Variants in LAMA1 observed in about 807,000 individuals in gnomAD.
The protein encoded by LAMA1 is laminin subunit alpha 1.
In LAMA1, 219 loss-of-function variants were observed where a neutral mutation model predicts 348.7. The ratio of observed to expected loss-of-function variants is 0.63; its 90% confidence interval spans 0.56 to 0.70. The LOEUF (loss-of-function observed/expected upper bound fraction) is 0.70, where lower values mean the gene tolerates loss of function less well. LAMA1 is among the 30% of genes least tolerant of loss of function. The pLI is 0.00. For missense variants in LAMA1, 3,744 were observed against 3,888.0 expected (o/e 0.96, Z 0.99); for synonymous variants, 1,487 against 1,491.0 (o/e 1.00, Z 0.06).
In LAMA1 at chr18:7,013,884, C is replaced by T. The variant is rs149157836; in HGVS notation, c.3294G>A (p.Ser1098=). 4,848 of 1,612,698 alleles carry T rather than the reference C, an allele frequency of 3.0e-3. 10 individuals carry two copies. Among genetic ancestry groups the T allele is most frequent in the Non-Finnish European group, 3.6e-3 (4,203 of 1,179,282 alleles). The change falls in exon 23 of 63, where the codon TCG becomes TCA. Residue 1098 remains serine (S), a synonymous_variant. Coordinates refer to ENST00000389658, the MANE Select transcript of LAMA1 (RefSeq NM_005559.4). The part of the protein sequence containing the change: ...VPCDCDLRGT[S]GDACNLEQGL... The stretch of plus-strand genomic sequence containing the variant: ...CCTGCTCCAGGTTGCAGGCGTCCCC[C>T]GACGTCCCCCTCAGGTCACAGTCAC...
intron 1 of LAMA1, among the ~76,000 whole-genome samples, chr18:7,088,603 G>A (rs768270600): frequency 7.9e-5 from 12 of 151,924 alleles, no homozygotes; most frequent in East Asian, 1.9e-4. Context: ...CTGCCACCTC[G>A]AACTCCCAGG....
At chr18:7,047,582 T>C (rs1044590248) in intron 5 of LAMA1, among the ~76,000 whole-genome samples, 7 of 152,074 alleles carry the variant, frequency 4.6e-5, no homozygotes, top group Non-Finnish European at 2.9e-5. Context: ...TTGCAGAAAT[T>C]AACAAACTGA....
rs771109160 is a variant in LAMA1 at position 6,955,375 on chromosome 18, T to G, written c.8185A>C (p.Asn2729His). ...TQNSHFILPF[N>H]QSAVRKKLSV... ...TACTTCTTTCTGACAGCCGACTGAT[T>G]AAAAGGCAAGATGAAATGGCTGTTT... Residue 2729 changes from asparagine (N) to histidine (H), a missense_variant, in exon 57 of 63, where the codon AAT (asparagine) becomes CAT (histidine). By Grantham distance (68) the Asn-to-His change is moderately conservative. Around this residue, in one of 3 missense-constraint regions of LAMA1, gnomAD observed 1,983 missense variants for 1,934.3 expected, o/e 1.03. Transcript: ENST00000389658. The G allele has an allele frequency of 1.2e-6, 2 of 1,613,850 alleles. No individual in the cohort carries two copies. The highest frequency in any genetic ancestry group is 1.7e-6 in the Non-Finnish European group (2 of 1,179,978).
chr18:6,948,618 T>C (rs1600339879), intron 59 of LAMA1, 62 bp from the exon 60 acceptor site: 1 of 1,582,098 alleles, frequency 6.3e-7, no homozygotes, highest in East Asian at 2.2e-5. Flanking sequence ...TTTGGACACA[T>C]TTTCCTTCCA....
intron 51 of LAMA1, 48 bp downstream of exon 51, chr18:6,964,614 T>A (rs1437118274): frequency 6.2e-7 from 1 of 1,608,318 alleles, no homozygotes. Context: ...CCTAGCAAGC[T>A]AATAAAGTTG....
rs773861728 is a variant in LAMA1 at position 6,999,495 on chromosome 18, C to A, written c.4613G>T (p.Arg1538Leu). ...GTGCCTCGGTTCACACTCATCGCAC[C>A]GGAGCCCCGAGGCCCCCAGCCTGCA... is the stretch of plus-strand genomic sequence containing the variant. ...CVCRLGASGL[R>L]CDECEPRHIL... Residue 1538 changes from arginine to leucine, a missense_variant, in exon 32 of 63, where the codon CGG becomes CTG. Physicochemically the swap from Arg to Leu is moderately radical, Grantham distance 102. This residue lies in a region of LAMA1 where 1,983 missense variants were observed against 1,934.3 expected (regional missense o/e 1.03). Coordinates refer to ENST00000389658, the MANE Select transcript of LAMA1 (RefSeq NM_005559.4). The A allele has an allele frequency of 1.7e-5, 28 of 1,614,120 alleles. No individual in the cohort carries two copies. The highest frequency in any genetic ancestry group is 2.4e-5 in the Non-Finnish European group (28 of 1,180,024).
intron 47 of LAMA1, among the ~76,000 whole-genome samples, chr18:6,972,400 T>A (rs1216929006): frequency 1.3e-5 from 2 of 152,208 alleles, no homozygotes; most frequent in Non-Finnish European, 2.9e-5. Context: ...GGTGGGCTTT[T>A]TTGCTAAACA....
intron 36 of LAMA1, among the ~76,000 whole-genome samples, chr18:6,986,686 T>C (rs1386261742): frequency 6.6e-6 from 1 of 152,146 alleles, no homozygotes. Context: ...ACGGTGATCT[T>C]TCATCTCATG....
chr18:6,995,492 G>A, intron 33 of LAMA1, 46 bp from the exon 34 acceptor site: 1 of 1,020,874 alleles, frequency 9.8e-7, no homozygotes, highest in Non-Finnish European at 1.6e-6. Context: ...GAAGTAAAAT[G>A]TTCTGATTCT....
rs1394772201 is a variant in LAMA1, at chr18:6,990,177, T to C, written c.5168+2384A>G. 3.9e-5 allele frequency among the ~76,000 whole-genome samples: 6 copies of C among 152,292 alleles called. No homozygotes were observed. In the East Asian group the frequency reaches 1.2e-3, roughly 29 times the overall value. On this transcript the variant is annotated intron_variant, in intron 36 of 62. Coordinates refer to ENST00000389658, the MANE Select transcript of LAMA1 (RefSeq NM_005559.4). ...TTAAACTTTCTTATTGTATTTAAAG[T>C]GCATATTCAGAAAATAAACTTTCCC...
chr18:7,058,742 T>A (rs6506466), intron 3 of LAMA1, among the ~76,000 whole-genome samples: 1 of 152,230 alleles, frequency 6.6e-6, no homozygotes. Context: ...GTGAGGACAT[T>A]AATGTCTCTT....
chr18:7,093,254 A>C (rs1327543332), intron 1 of LAMA1, among the ~76,000 whole-genome samples: 2 of 152,162 alleles, frequency 1.3e-5, no homozygotes, highest in Non-Finnish European at 2.9e-5. Context: ...GTCTCTACTA[A>C]AAATATAAAA....
At chr18:7,112,862 C>T (rs528154572) in intron 1 of LAMA1, among the ~76,000 whole-genome samples, 13 of 151,892 alleles carry the variant, frequency 8.6e-5, no homozygotes, top group Non-Finnish European at 1.9e-4. Flanking sequence ...CTTGAACTCC[C>T]GACCTCATGT....
rs1015115155 is a variant in LAMA1, at chr18:6,975,151, C to T, written c.6490-115G>A. 1.4e-5 allele frequency: 18 copies of T among 1,258,906 alleles called. No individual in the cohort carries two copies. In the South Asian group the frequency reaches 2.3e-4, roughly 16 times the overall value. The allele number at this position is 1,258,906 out of a possible 1,614,324, so 78.0% of individuals were successfully genotyped here. On this transcript the variant is annotated intron_variant, in intron 45 of 62. Coordinates refer to ENST00000389658, the MANE Select transcript of LAMA1 (RefSeq NM_005559.4). ...TTTTCTCTTTTCTTAAAAATAAATA[C>T]ATAAAAAGCAAACCCCCCAAATCTA...
At chr18:7,006,967 G>T (rs2144106683) in intron 29 of LAMA1, among the ~76,000 whole-genome samples, 172 bp downstream of exon 29, 1 of 152,206 alleles carries the variant, frequency 6.6e-6, no homozygotes. Context: ...CCACTGATAA[G>T]GTCAGAACCA....
intron 3 of LAMA1, among the ~76,000 whole-genome samples, chr18:7,059,763 G>C (rs890090479): frequency 6.6e-6 from 1 of 152,192 alleles, no homozygotes; most frequent in Non-Finnish European, 1.5e-5. Context: ...TGCCTCCACG[G>C]TGGTAACTGA....
intron 3 of LAMA1, among the ~76,000 whole-genome samples, chr18:7,055,159 T>C (rs771491600): frequency 4.0e-5 from 6 of 151,496 alleles, no homozygotes; most frequent in African/African-American, 9.7e-5. Flanking sequence ...TATGTATATA[T>C]AAAAATTTAG....
chr18:6,967,923 G>T (rs2057641019), intron 48 of LAMA1, among the ~76,000 whole-genome samples: 1 of 152,066 alleles, frequency 6.6e-6, no homozygotes, highest in South Asian at 2.1e-4. Context: ...GCTGGAGTGA[G>T]GTGGCCACGA....
At chr18:6,956,347 A>C in intron 56 of LAMA1, 2 of 540,314 alleles carry the variant, frequency 3.7e-6, no homozygotes, top group Non-Finnish European at 6.9e-6. Flanking sequence ...CTAAATGTAA[A>C]TTGATAATGA....
Sources: gnomAD v4.1 joint callset for allele counts (sites outside exome capture counted in the v4.1 genomes callset) on GRCh38, gnomAD v4.1.1 for gene constraint, gnomAD v4.1.1 regional missense constraint, MANE v1.5 for transcripts, NCBI Gene and HGNC (gene_info 2026-07-23, HGNC 2026-07-21) for gene names.